Variants in ABCA4 observed in about 807,000 individuals in gnomAD.
ABCA4 encodes retinal-specific phospholipid-transporting ATPase ABCA4.
In ABCA4, 196 loss-of-function variants were observed where a neutral mutation model predicts 263.7. The ratio of observed to expected loss-of-function variants is 0.74; its 90% CI spans 0.66 to 0.84. The LOEUF (loss-of-function observed/expected upper bound fraction) is 0.84, where lower values mean the gene tolerates loss of function less well. Ranked by LOEUF, ABCA4 falls within the 40% of genes least tolerant of loss-of-function variation. The probability of loss-of-function intolerance (pLI) is 0.00; values close to 1 mark genes in which losing one functional copy is unlikely to be tolerated. For synonymous variants in ABCA4, 1,133 were observed against 1,094.2 expected, an observed-to-expected ratio of 1.04 and a Z score of -0.70; for missense variants, 2,792 against 2,855.1, an observed-to-expected ratio of 0.98 and a Z score of 0.50.
intron 13 of ABCA4, 73 bp downstream of exon 13, chr1:94,062,504 C>A: frequency 6.4e-7 from 1 of 1,555,946 alleles, no homozygotes; most frequent in South Asian, 1.1e-5. Context: ...TGAGGGCACC[C>A]CCAGCCCACC....
chr1:94,014,969 T>C lies in ABCA4; in HGVS notation c.5313-279A>G, dbSNP rs112097355. ...AAACTACAAAGCCCTGTACAATTCA[T>C]AGGAGGGTTCTCCAGCCTGCAACAC... On this transcript the variant is annotated intron_variant, in intron 37 of 49. Coordinates refer to ENST00000370225, the MANE Select transcript of ABCA4 (RefSeq NM_000350.3). Among the ~76,000 whole-genome samples, 615 of 152,282 alleles carry C rather than the reference T, an allele frequency of 4.0e-3. 4 individuals carry two copies. Among genetic ancestry groups the C allele is most frequent in the African/African-American group, 0.014 (579 of 41,564 alleles).
chr1:94,042,086 G>A (rs1413551475), intron 22 of ABCA4, among the ~76,000 whole-genome samples: 5 of 119,694 alleles, frequency 4.2e-5, no homozygotes, highest in East Asian at 2.4e-4. Flanking sequence ...GCGACAGAGC[G>A]AGATTCTGTC....
At position 94,032,010 on chromosome 1, in the gene ABCA4, G is replaced by T; in HGVS notation, c.3896C>A (p.Pro1299His). Residue 1299 changes from proline (P) to histidine (H), a missense_variant, in exon 27 of 50, where the codon CCC (proline) becomes CAC (histidine). Transcript: ENST00000370225. The part of the protein sequence containing the change: ...GAQQKRENVN[P>H]RHPCLGPREK... ...TCTGGGACCCAAGCAGGGGTGTCGG[G>T]GGTTGACGTTTTCTCTTTTCTGCTG... The T allele has an allele frequency of 6.2e-7, 1 of 1,613,394 alleles. No individual in the cohort carries two copies.
At position 94,079,536 on chromosome 1, in the gene ABCA4, A is replaced by G. The variant is rs192907013; in HGVS notation, c.1100-75T>C. 620 of 1,598,866 alleles carry G rather than the reference A, an allele frequency of 3.9e-4. 1 individual carries two copies. The highest frequency in any genetic ancestry group is 5.2e-4 in the Non-Finnish European group (604 of 1,166,680). ...ACTCAATATAGTCATTAGTGTATCC[A>G]CATCACATGTCTCATTCAACTCCAT... is the stretch of plus-strand genomic sequence containing the variant. On this transcript the variant is annotated intron_variant, in intron 8 of 49. Coordinates refer to ENST00000370225, the MANE Select transcript of ABCA4 (RefSeq NM_000350.3).
chr1:94,116,346 A>G (rs1662759762), intron 1 of ABCA4, among the ~76,000 whole-genome samples: 1 of 151,974 alleles, frequency 6.6e-6, no homozygotes, highest in Non-Finnish European at 1.5e-5. Flanking sequence ...GGCTGAAAAC[A>G]TGCCGGGGTC....
chr1:94,097,964 A>G (rs942202317), intron 6 of ABCA4, among the ~76,000 whole-genome samples: 1 of 152,174 alleles, frequency 6.6e-6, no homozygotes, highest in South Asian at 2.1e-4. Context: ...TCACCGTGTT[A>G]GCCAGGATGG....
At chr1:94,092,980 G>A (rs912103331) in intron 6 of ABCA4, among the ~76,000 whole-genome samples, 23 of 152,170 alleles carry the variant, frequency 1.5e-4, no homozygotes, top group African/African-American at 5.5e-4. Context: ...TCGATTTTAC[G>A]GATGGGAGGC....
At chr1:94,097,867 A>C (rs1333130690) in intron 6 of ABCA4, among the ~76,000 whole-genome samples, 1 of 152,206 alleles carries the variant, frequency 6.6e-6, no homozygotes, top group Non-Finnish European at 1.5e-5. Context: ...CTCCGGCCTC[A>C]GCCTCCTCAG....
chr1:94,000,976 C>G, intron 46 of ABCA4, 26 bp downstream of exon 46: 1 of 1,614,078 alleles, frequency 6.2e-7, no homozygotes, highest in Non-Finnish European at 8.5e-7. Flanking sequence ...TCCCACCCAC[C>G]TTCCCCAGCC....
At chr1:94,059,945 ACTC>A (rs1326697509) in intron 14 of ABCA4, among the ~76,000 whole-genome samples, 3 of 151,752 alleles carry the variant, frequency 2.0e-5, no homozygotes, top group African/African-American at 7.3e-5. Flanking sequence ...GGCTATAAAA[ACTC>A]CTTATCACTG....
chr1:94,118,164 C>T (rs926329821), intron 1 of ABCA4, among the ~76,000 whole-genome samples: 2 of 152,084 alleles, frequency 1.3e-5, no homozygotes, highest in African/African-American at 2.4e-5. Context: ...TCATCAGTAC[C>T]GGGGGGATCA....
At position 94,031,015 on chromosome 1, in the gene ABCA4, G is replaced by A. The variant is rs61750137; in HGVS notation, c.4234C>T (p.Gln1412Ter). 30 of 1,613,960 alleles carry A rather than the reference G, an allele frequency of 1.9e-5. No individual in the cohort carries two copies. The highest frequency in any genetic ancestry group is 2.3e-5 in the Non-Finnish European group (27 of 1,180,002). Reference sequence around the variant, plus strand: ...GCGCACCTGAAGAAGGTGTACTGCTGCCCATATATCCAGGGGTGAAGGGTC... The same window carrying A: ...GCGCACCTGAAGAAGGTGTACTGCTACCCATATATCCAGGGGTGAAGGGTC... ...ALTLHPWIYGQQYTFFSMDEP... is the reference protein window; with the variant it reads ...ALTLHPWIYG Residue 1412 changes from glutamine (Q) to a stop codon, truncating the protein, a stop_gained, in exon 28 of 50, where the codon CAG (glutamine) becomes TAG (stop). Coordinates refer to ENST00000370225, the MANE Select transcript of ABCA4 (RefSeq NM_000350.3). LOFTEE classifies it high-confidence loss of function.
chr1:94,026,745 C>T (rs1255097079), intron 30 of ABCA4, among the ~76,000 whole-genome samples: 1 of 152,198 alleles, frequency 6.6e-6, no homozygotes, highest in East Asian at 1.9e-4. Flanking sequence ...CCACCACATT[C>T]AAAGAATGTT....
rs1169831821 is a variant in ABCA4, at chr1:94,001,852, A to G, written c.6282+6T>C. 1.2e-6 allele frequency: 2 copies of G among 1,614,222 alleles called. No homozygotes were observed. The highest frequency in any genetic ancestry group is 2.2e-5 in the East Asian group (1 of 44,882). ...AGCCCTTGGTGCGGCCCAAGCCCGC[A>G]GTTACCAGCAGCACCAGCGGTGGGC... On this transcript the variant is annotated splice_donor_region_variant and intron_variant, in intron 45 of 49. Transcript: ENST00000370225.
intron 32 of ABCA4, 54 bp from the exon 33 acceptor site, chr1:94,022,005 A>G: frequency 1.4e-6 from 2 of 1,446,344 alleles, no homozygotes; most frequent in East Asian, 2.3e-5. Context: ...CACGCCTACT[A>G]GTAGCTCTCT....
intron 1 of ABCA4, among the ~76,000 whole-genome samples, chr1:94,116,994 C>CTT (rs1242375188): frequency 8.9e-6 from 1 of 112,992 alleles, no homozygotes; most frequent in Non-Finnish European, 1.9e-5. Context: ...TTCTTTCTTT[C>CTT]TTTCTTTCTT....
At chr1:94,001,199 C>T in intron 45 of ABCA4, 94 bp from the exon 46 acceptor site, 1 of 1,012,268 alleles carries the variant, frequency 9.9e-7, no homozygotes, top group Admixed American at 1.9e-5. Context: ...GGAGGATGAG[C>T]TGACAGAAGG....
At chr1:94,044,476 C>T in intron 20 of ABCA4, 137 bp downstream of exon 20, 2 of 1,335,410 alleles carry the variant, frequency 1.5e-6, no homozygotes, top group Admixed American at 1.9e-5. Context: ...GGACTTTAAA[C>T]ATAGGGGAAA....
Position 94,019,730 on chromosome 1 carries a change from G to A in ABCA4, c.5048C>T (p.Ala1683Val), listed in dbSNP as rs1402394753. The change falls in exon 36 of 50, where the codon GCC becomes GTC. Residue 1683 changes from alanine (A) to valine (V), a missense_variant. Ala to Val is a moderately conservative substitution (Grantham distance 64). Coordinates refer to ENST00000370225, the MANE Select transcript of ABCA4 (RefSeq NM_000350.3). ...VLTTSVDAVV[A>V]ICVIFSMSFV... Reference sequence around the variant, plus strand: ...GGACATGGAGAAAATCACGCAGATGGCAACCACAGCATCCACTGAAGTGGT... The same window carrying A: ...GGACATGGAGAAAATCACGCAGATGACAACCACAGCATCCACTGAAGTGGT... 1 of 1,612,918 alleles carries A rather than the reference G, an allele frequency of 6.2e-7. No homozygotes were observed. Among genetic ancestry groups the A allele is most frequent in the Admixed American group, 1.7e-5 (1 of 59,886 alleles).
Sources: allele counts gnomAD v4.1 joint callset (sites outside exome capture counted in the v4.1 genomes callset), GRCh38; gene constraint gnomAD v4.1.1; transcripts MANE v1.5; gene names NCBI Gene and HGNC (gene_info 2026-07-23, HGNC 2026-07-21).